The following TNC variants were observed in gnomAD, a reference collection of about 807,000 sequenced individuals.
TNC encodes tenascin.
In TNC, 109 loss-of-function variants were observed where a neutral mutation model predicts 202.4. The ratio of observed to expected loss-of-function variants is 0.54; its 90% confidence interval spans 0.46 to 0.63. The LOEUF (loss-of-function observed/expected upper bound fraction) is 0.63, where lower values mean the gene tolerates loss of function less well. Among genes scored for constraint, TNC ranks in the 30% least tolerant of loss-of-function variants. TNC has a pLI of 0.00. For synonymous variants in TNC, 1,007 were observed against 1,089.7 expected (o/e 0.92, Z 1.50); for missense variants, 2,756 against 2,833.3 (o/e 0.97, Z 0.62).
chr9:115,064,696 C>G lies in TNC; in HGVS notation c.3438G>C (p.Gly1146=), dbSNP rs778771273. 2.8e-5 allele frequency: 45 copies of G among 1,614,048 alleles called. No individual in the cohort carries two copies. Among genetic ancestry groups the G allele is most frequent in the Non-Finnish European group, 3.8e-5 (45 of 1,180,032 alleles). ...AATPYTVSIY[G]VIQGYRTPVL... ...CTGGTGTTCTATAGCCCTGGATCAC[C>G]CCATAGATGGAGACTGTATAAGGCG... Residue 1146 remains glycine, a synonymous_variant, in exon 11 of 28, where the codon GGG becomes GGC. Coordinates refer to ENST00000350763, the MANE Select transcript of TNC (RefSeq NM_002160.4).
chr9:115,035,269 G>A lies in TNC; in HGVS notation c.5722C>T (p.Arg1908Ter), dbSNP rs749516851. The change falls in exon 22 of 28, where the codon CGA (arginine) becomes TGA (stop). Residue 1908 changes from arginine (R) to a stop codon, truncating the protein, a stop_gained. Transcript: ENST00000350763. LOFTEE classifies it high-confidence loss of function. The part of the protein sequence containing the change: ...VQSETALLTW[R>*]PPRASVTGYL... The stretch of plus-strand genomic sequence containing the variant: ...CCGGTGACTGATGCCCGGGGGGGTC[G>A]CCAGGTAAGGAGGGCAGTTTCCGAC... The A allele has an allele frequency of 3.7e-6, 6 of 1,613,132 alleles. No homozygotes were observed. The highest frequency in any genetic ancestry group is 1.1e-5 in the South Asian group (1 of 90,922).
At chr9:115,087,667 G>GGCT in intron 2 of TNC, among the ~76,000 whole-genome samples, 1 of 151,320 alleles carries the variant, frequency 6.6e-6, no homozygotes, top group East Asian at 2.0e-4. Flanking sequence ...AAATGCATTA[G>GGCT]GCTGGGGCTA....
rs1187889509 is a variant in TNC at position 115,064,695 on chromosome 9, C to T, written c.3439G>A (p.Val1147Met). ...ATPYTVSIYGVIQGYRTPVLS... is the reference protein window; with the variant it reads ...ATPYTVSIYGMIQGYRTPVLS... ...ACTGGTGTTCTATAGCCCTGGATCACCCCATAGATGGAGACTGTATAAGGC... is the reference window on the plus strand; with the variant it reads ...ACTGGTGTTCTATAGCCCTGGATCATCCCATAGATGGAGACTGTATAAGGC... Residue 1147 changes from valine (V) to methionine (M), a missense_variant, in exon 11 of 28, where the codon GTG (valine) becomes ATG (methionine). Val to Met is a conservative substitution (Grantham distance 21, BLOSUM62 1). Around this residue, in one of 2 missense-constraint regions of TNC, gnomAD observed 2,559 missense variants for 2,546.0 expected, o/e 1.01. Coordinates refer to ENST00000350763, the MANE Select transcript of TNC (RefSeq NM_002160.4). 4 of 1,614,196 alleles carry T rather than the reference C, an allele frequency of 2.5e-6. No homozygotes were observed. Among genetic ancestry groups the T allele is most frequent in the Non-Finnish European group, 3.4e-6 (4 of 1,180,024 alleles).
intron 22 of TNC, among the ~76,000 whole-genome samples, chr9:115,032,562 T>A (rs1020342004): frequency 6.6e-6 from 1 of 152,182 alleles, no homozygotes; most frequent in Admixed American, 6.5e-5. Context: ...AACAATATGA[T>A]GCCTGGGCCT....
At chr9:115,028,140 G>T (rs924631115) in intron 25 of TNC, among the ~76,000 whole-genome samples, 2 of 152,138 alleles carry the variant, frequency 1.3e-5, no homozygotes, top group African/African-American at 4.8e-5. Flanking sequence ...ATGTAATCAT[G>T]TATCATGTTC....
In TNC at chr9:115,078,007, C is replaced by T. The variant is rs1201548327; in HGVS notation, c.2610G>A (p.Glu870=). Residue 870 remains glutamate (E), a synonymous_variant, in exon 7 of 28, where the codon GAG becomes GAA. Coordinates refer to ENST00000350763, the MANE Select transcript of TNC (RefSeq NM_002160.4). ...CACCTCTGCGGGAGATGAGGGACAC[C>T]TCGTACTCAGTGTCAGGCTTCAGGT... ...IGNLKPDTEY[E]VSLISRRGDM... is the part of the protein sequence containing the mutation. 1 of 1,614,122 alleles carries T rather than the reference C, an allele frequency of 6.2e-7. No homozygotes were observed. The highest frequency in any genetic ancestry group is 1.3e-5 in the African/African-American group (1 of 74,946).
chr9:115,057,110 A>G, intron 15 of TNC, 43 bp downstream of exon 15: 1 of 1,569,750 alleles, frequency 6.4e-7, no homozygotes, highest in Non-Finnish European at 8.6e-7. Context: ...TGCAAAGAAG[A>G]CTGTGGAGAG....
chr9:115,039,358 T>A (rs1830567509), intron 19 of TNC, among the ~76,000 whole-genome samples: 1 of 152,254 alleles, frequency 6.6e-6, no homozygotes, highest in African/African-American at 2.4e-5. Flanking sequence ...ATGTGTAAGA[T>A]GTACTAGGGA....
chr9:115,114,340 G>C (rs1010979683), intron 1 of TNC, among the ~76,000 whole-genome samples: 2 of 152,218 alleles, frequency 1.3e-5, no homozygotes, highest in African/African-American at 4.8e-5. Context: ...TTTCCAAGCT[G>C]TCCTGGGATT....
rs1195861450 is a variant in TNC, at chr9:115,078,044, T to C, written c.2573A>G (p.Tyr858Cys). Residue 858 changes from tyrosine (Y) to cysteine (C), a missense_variant, in exon 7 of 28, where the codon TAC (tyrosine) becomes TGC (cysteine). Around this residue, in one of 2 missense-constraint regions of TNC, gnomAD observed 2,559 missense variants for 2,546.0 expected, o/e 1.01. Coordinates refer to ENST00000350763, the MANE Select transcript of TNC (RefSeq NM_002160.4). ...TIDLTEDENQ[Y>C]SIGNLKPDTE... ...GTCAGGCTTCAGGTTCCCGATGGAG[T>C]ACTGGTTCTCGTCCTCTGTGAGATC... 4 of 1,614,130 alleles carry C rather than the reference T, an allele frequency of 2.5e-6. No individual in the cohort carries two copies. The highest frequency in any genetic ancestry group is 3.4e-6 in the Non-Finnish European group (4 of 1,180,018).
At chr9:115,076,995 T>G (rs1226740006) in intron 7 of TNC, among the ~76,000 whole-genome samples, 1 of 152,222 alleles carries the variant, frequency 6.6e-6, no homozygotes, top group Non-Finnish European at 1.5e-5. Flanking sequence ...CTTCCCAGGT[T>G]CAAGTGATTC....
chr9:115,099,135 T>C (rs931602426), intron 1 of TNC, among the ~76,000 whole-genome samples: 1 of 152,050 alleles, frequency 6.6e-6, no homozygotes, highest in Non-Finnish European at 1.5e-5. Flanking sequence ...GGTGCCCAGT[T>C]AAGATGCTGG....
chr9:115,057,566 T>C lies in TNC; in HGVS notation c.4307-141A>G. On this transcript the variant is annotated intron_variant, in intron 14 of 27. Coordinates refer to ENST00000350763, the MANE Select transcript of TNC (RefSeq NM_002160.4). ...TCAGGGCTATGATGGAAGGAAGCAA[T>C]GTTACCAATTAGTGCCAAAGGGAGA... The C allele has an allele frequency of 8.6e-6, 8 of 931,574 alleles. No homozygotes were observed. The South Asian group carries it at 1.4e-4, about 16-fold the overall frequency. 57.7% of individuals were successfully genotyped at this position (931,574 alleles called of 1,614,324 possible).
At position 115,081,853 on chromosome 9, in the gene TNC, G is replaced by C. The variant is rs1356525548; in HGVS notation, c.2323C>G (p.Pro775Ala). The C allele has an allele frequency of 6.2e-7, 1 of 1,604,900 alleles. No homozygotes were observed. The highest frequency in any genetic ancestry group is 1.1e-5 in the South Asian group (1 of 88,776). ...ETSYRQTGLA[P>A]GQEYEISLHI... ...AGAGATATCTCATACTCTTGCCCAGGAGCTAGACCAGTTTGCCGGTAAGAG... is the reference window on the plus strand; with the variant it reads ...AGAGATATCTCATACTCTTGCCCAGCAGCTAGACCAGTTTGCCGGTAAGAG... The change falls in exon 6 of 28, where the codon CCT becomes GCT. Residue 775 changes from proline (P) to alanine (A), a missense_variant. Coordinates refer to ENST00000350763, the MANE Select transcript of TNC (RefSeq NM_002160.4).
intron 22 of TNC, among the ~76,000 whole-genome samples, chr9:115,032,215 C>T (rs535936212): frequency 3.5e-4 from 53 of 152,068 alleles, no homozygotes; most frequent in African/African-American, 9.6e-4. Flanking sequence ...AGGCAATAAG[C>T]GACCTCAACC....
At position 115,084,141 on chromosome 9, in the gene TNC, G is replaced by A. The variant is rs1408920377; in HGVS notation, c.2131+68C>T. ...ACTATAGGATTGTAGGGGCCGTGGC[G>A]AGGGAGGGTTATACACTGGGTGGGC... On this transcript the variant is annotated intron_variant, in intron 4 of 27. Transcript: ENST00000350763. The A allele has an allele frequency of 1.4e-5, 22 of 1,534,510 alleles. No individual in the cohort carries two copies. The East Asian group carries it at 2.3e-4, about 16-fold the overall frequency.
intron 1 of TNC, among the ~76,000 whole-genome samples, chr9:115,093,100 A>G (rs1244262399): frequency 6.6e-6 from 1 of 152,150 alleles, no homozygotes; most frequent in Non-Finnish European, 1.5e-5. Context: ...CTCCTTCCTC[A>G]TGACAGAAAG....
intron 14 of TNC, 87 bp from the exon 15 acceptor site, chr9:115,057,512 A>C: frequency 7.5e-7 from 1 of 1,338,120 alleles, no homozygotes; most frequent in Non-Finnish European, 1.0e-6. Context: ...TGTTAATAGA[A>C]CCATTGCTGG....
intron 19 of TNC, among the ~76,000 whole-genome samples, chr9:115,040,663 C>T (rs187692731): frequency 1.2e-3 from 176 of 152,140 alleles, no homozygotes; most frequent in African/African-American, 4.0e-3. Flanking sequence ...AGTATGACTC[C>T]CAAACTTGGA....
Sources: gnomAD v4.1 joint callset for allele counts (sites outside exome capture counted in the v4.1 genomes callset) on GRCh38, gnomAD v4.1.1 for gene constraint, gnomAD v4.1.1 regional missense constraint, MANE v1.5 for transcripts, NCBI Gene and HGNC (gene_info 2026-07-23, HGNC 2026-07-21) for gene names.